The following TMEM178B variants were observed in gnomAD, a reference collection of about 807,000 sequenced individuals.
TMEM178B encodes transmembrane protein 178B.
Under a neutral mutation model 31.0 loss-of-function variants are expected in TMEM178B, and 5 were observed. The ratio of observed to expected loss-of-function variants is 0.16; its 90% CI spans 0.08 to 0.34. The LOEUF is 0.34. Ranked by LOEUF, TMEM178B falls within the 10% of genes least tolerant of loss-of-function variation. The probability of loss-of-function intolerance (pLI) is 1.00; values close to 1 mark genes in which losing one functional copy is unlikely to be tolerated. For missense variants in TMEM178B, 275 were observed against 400.3 expected, an observed-to-expected ratio of 0.69 and a Z score of 2.67; for synonymous variants, 164 against 164.0, an observed-to-expected ratio of 1.00 and a Z score of 0.00.
At position 141,432,146 on chromosome 7, in the gene TMEM178B, C is replaced by CTTTTTTT. The variant is rs71170797; in HGVS notation, c.497-5440_497-5434dup. 1.3e-4 allele frequency among the ~76,000 whole-genome samples: 10 copies of CTTTTTTT among 79,082 alleles called. 2 individuals are homozygous for CTTTTTTT. Among genetic ancestry groups the CTTTTTTT allele is most frequent in the Admixed American group, 3.5e-4 (2 of 5,792 alleles). The allele number at this position is 79,082 out of a possible 152,430, so 51.9% of individuals were successfully genotyped here. On this transcript the variant is annotated intron_variant, in intron 2 of 3. Transcript: ENST00000565468. ...TTTCTTTTTCTCTCCTTCACTGCATCTTTTTTTTTTTTTTTTTTTTTTTTT... is the reference window on the plus strand; with the variant it reads ...TTTCTTTTTCTCTCCTTCACTGCATCTTTTTTTTTTTTTTTTTTTTTTTTTTTTTTTT...
intron 2 of TMEM178B, among the ~76,000 whole-genome samples, chr7:141,343,112 A>T (rs1428447430): frequency 6.6e-6 from 1 of 152,192 alleles, no homozygotes; most frequent in Non-Finnish European, 1.5e-5. Context: ...CTCCCAAGCG[A>T]TGCTCACGCT....
At chr7:141,500,652 T>C in the TMEM178B span, among the ~76,000 whole-genome samples, 243 of 152,322 alleles carry the variant, frequency 1.6e-3, 1 homozygote, top group African/African-American at 5.6e-3. Context: ...CCCCAATTGC[T>C]AAACCTTATT....
chr7:141,269,980 G>A (rs1027343837), intron 2 of TMEM178B, among the ~76,000 whole-genome samples: 7 of 152,048 alleles, frequency 4.6e-5, no homozygotes, highest in Non-Finnish European at 7.4e-5. Flanking sequence ...CAGGAGAATC[G>A]CTTGAACCCA....
At chr7:141,091,499 C>T (rs546037700) in intron 1 of TMEM178B, among the ~76,000 whole-genome samples, 5 of 152,088 alleles carry the variant, frequency 3.3e-5, no homozygotes, top group Non-Finnish European at 7.4e-5. Flanking sequence ...CCTGTATCAG[C>T]TTTTATTACA....
chr7:141,384,773 A>G (rs566555852), intron 2 of TMEM178B, among the ~76,000 whole-genome samples: 1 of 152,030 alleles, frequency 6.6e-6, no homozygotes, highest in South Asian at 2.1e-4. Flanking sequence ...GGTAGCTTTT[A>G]TTTTCAACAT....
At chr7:141,497,639 T>C in the TMEM178B span, among the ~76,000 whole-genome samples, 1 of 152,204 alleles carries the variant, frequency 6.6e-6, no homozygotes, top group Admixed American at 6.5e-5. Flanking sequence ...TGGTCAAGCA[T>C]GACCTCTCTT....
chr7:141,271,808 G>A (rs577239977), intron 2 of TMEM178B, among the ~76,000 whole-genome samples: 1 of 152,278 alleles, frequency 6.6e-6, no homozygotes, highest in African/African-American at 2.4e-5. Context: ...TATTCTCCAT[G>A]ACAATCCTGT....
intron 2 of TMEM178B, among the ~76,000 whole-genome samples, chr7:141,276,574 C>A (rs537504381): frequency 1.3e-5 from 2 of 152,148 alleles, no homozygotes; most frequent in Admixed American, 6.5e-5. Flanking sequence ...CGCTCACTAT[C>A]ATGAGAGCAG....
At position 141,097,795 on chromosome 7, in the gene TMEM178B, T is replaced by TTC. The variant is rs575117793; in HGVS notation, c.382+23104_382+23105insCT. 2.0e-3 allele frequency among the ~76,000 whole-genome samples: 284 copies of TTC among 143,848 alleles called. 1 individual carries two copies. The highest frequency in any genetic ancestry group is 5.7e-3 in the African/African-American group (224 of 39,362). 94.4% of individuals were successfully genotyped at this position (143,848 alleles called of 152,430 possible). On this transcript the variant is annotated intron_variant, in intron 1 of 3. Transcript: ENST00000565468. ...GTTTCTTTTCTTTTTCTTTCTTTCT[T>TTC]TTTTTTTTTTTTTTTGAGACAAAGT... is the stretch of plus-strand genomic sequence containing the variant.
intron 2 of TMEM178B, among the ~76,000 whole-genome samples, chr7:141,235,504 A>G (rs901529943): frequency 6.6e-6 from 1 of 152,246 alleles, no homozygotes; most frequent in Non-Finnish European, 1.5e-5. Flanking sequence ...GGAATTTTAT[A>G]GCTAGAAGTG....
intron 2 of TMEM178B, chr7:141,430,060 G>A (rs546376935): frequency 6.6e-6 from 1 of 152,318 alleles, no homozygotes; most frequent in South Asian, 2.1e-4. Context: ...AGCCACAGGT[G>A]CCTCTGCTAT....
At chr7:141,324,053 G>A (rs762583199) in intron 2 of TMEM178B, among the ~76,000 whole-genome samples, 8 of 152,126 alleles carry the variant, frequency 5.3e-5, no homozygotes, top group Non-Finnish European at 7.3e-5. Flanking sequence ...CTGCCTGGAG[G>A]TCAGTGAACG....
Position 141,325,599 on chromosome 7 carries a change from C to A in TMEM178B, c.497-112009C>A, listed in dbSNP as rs1048633736. ...CAGCATGATGCTCAAGCCTACTGCA[C>A]TGACAGGGCCCAGAGAAGGTGTAAC... On this transcript the variant is annotated intron_variant, in intron 2 of 3. Transcript: ENST00000565468. Among the ~76,000 whole-genome samples, 150 of 152,198 alleles carry A rather than the reference C, an allele frequency of 9.9e-4. 1 individual carries two copies. Among genetic ancestry groups the A allele is most frequent in the African/African-American group, 3.1e-3 (129 of 41,462 alleles).
At chr7:141,469,928 G>A (rs1046639413) in intron 3 of TMEM178B, among the ~76,000 whole-genome samples, 6 of 152,162 alleles carry the variant, frequency 3.9e-5, no homozygotes, top group Non-Finnish European at 8.8e-5. Context: ...AGGATTCCCC[G>A]TCTTTTGACT....
At chr7:141,443,010 T>C (rs1201440157) in intron 3 of TMEM178B, among the ~76,000 whole-genome samples, 1 of 152,208 alleles carries the variant, frequency 6.6e-6, no homozygotes, top group Non-Finnish European at 1.5e-5. Context: ...GCAGAATTCA[T>C]TTCCTTGCAG....
chr7:141,256,769 G>A (rs1412281870), intron 2 of TMEM178B, among the ~76,000 whole-genome samples: 1 of 152,176 alleles, frequency 6.6e-6, no homozygotes, highest in Non-Finnish European at 1.5e-5. Context: ...ATTTGGACCA[G>A]GTAGTAGTGG....
rs1287615148 is a variant in TMEM178B, at chr7:141,364,994, C to T, written c.497-72614C>T. ...CTCCTGACTTATTGATGTTGTAACT[C>T]ATTAAAAGAATTTTAAAACCTTTTC... On this transcript the variant is annotated intron_variant, in intron 2 of 3. Transcript: ENST00000565468. 2.0e-5 allele frequency among the ~76,000 whole-genome samples: 3 copies of T among 152,206 alleles called. 1 individual carries two copies. The highest frequency in any genetic ancestry group is 6.3e-3 in the Middle Eastern group (2 of 316).
intron 3 of TMEM178B, among the ~76,000 whole-genome samples, chr7:141,442,014 A>T (rs1801669789): frequency 6.6e-6 from 1 of 152,174 alleles, no homozygotes; most frequent in Admixed American, 6.5e-5. Context: ...GACTGGCACA[A>T]CACCATTTGT....
intron 1 of TMEM178B, among the ~76,000 whole-genome samples, chr7:141,202,071 T>C (rs1042079315): frequency 6.6e-6 from 1 of 152,140 alleles, no homozygotes; most frequent in Non-Finnish European, 1.5e-5. Flanking sequence ...TCTTCATATA[T>C]GAGTGGGGAT....
Sources: gnomAD v4.1 joint callset for allele counts (sites outside exome capture counted in the v4.1 genomes callset) on GRCh38, gnomAD v4.1.1 for gene constraint, MANE v1.5 for transcripts, NCBI Gene and HGNC (gene_info 2026-07-23, HGNC 2026-07-21) for gene names.